The following OTUD7A variants were observed in gnomAD, a reference collection of about 807,000 sequenced individuals.
The protein encoded by OTUD7A is OTU deubiquitinase 7A, also known as OTU domain-containing protein 7A.
OTUD7A carries 12 observed loss-of-function variants against 65.7 expected under a neutral mutation model. That is an observed-to-expected ratio of 0.18 (90% confidence interval 0.12 to 0.30). OTUD7A has a LOEUF of 0.30. Ranked by LOEUF, OTUD7A falls within the 10% of genes least tolerant of loss-of-function variation. The probability of loss-of-function intolerance (pLI) is 1.00; values close to 1 mark genes in which losing one functional copy is unlikely to be tolerated. For missense variants in OTUD7A, 1,148 were observed against 1,304.8 expected (o/e 0.88, Z 1.85); for synonymous variants, 641 against 586.3 (o/e 1.09, Z -1.35).
intron 4 of OTUD7A, among the ~76,000 whole-genome samples, chr15:31,561,756 A>G (rs1888696575): frequency 6.6e-6 from 1 of 151,196 alleles, no homozygotes; most frequent in African/African-American, 2.5e-5. Context: ...GAATGCACAC[A>G]TATCATCTCT....
intron 3 of OTUD7A, among the ~76,000 whole-genome samples, chr15:31,575,536 A>G (rs1050100206): frequency 5.3e-5 from 8 of 152,232 alleles, no homozygotes; most frequent in Non-Finnish European, 7.3e-5. Flanking sequence ...CCTAGAGGTC[A>G]TAACAACACA....
rs1042534695 is a variant in OTUD7A at position 31,620,387 on chromosome 15, T to C, written c.151+34709A>G. Among the ~76,000 whole-genome samples, 30 of 152,130 alleles carry C rather than the reference T, an allele frequency of 2.0e-4. 1 individual carries two copies. Among genetic ancestry groups the C allele is most frequent in the African/African-American group, 6.0e-4 (25 of 41,412 alleles). On this transcript the variant is annotated intron_variant, in intron 3 of 12. Transcript: ENST00000307050. ...CTCTGGTAGAATTCGGCTGTGAATCTGTCTGGTCCTGGACTTTTTTTGGTT... is the reference window on the plus strand; with the variant it reads ...CTCTGGTAGAATTCGGCTGTGAATCCGTCTGGTCCTGGACTTTTTTTGGTT...
At position 31,492,849 on chromosome 15, in the gene OTUD7A, G is replaced by A. The variant is rs181011547; in HGVS notation, c.1172-5283C>T. 2.8e-3 allele frequency among the ~76,000 whole-genome samples: 431 copies of A among 152,216 alleles called. 4 individuals are homozygous for A. The highest frequency in any genetic ancestry group is 9.9e-3 in the African/African-American group (410 of 41,548). Reference sequence around the variant, plus strand: ...ACTATTAAATGAAAATGGTCAAAACGTATCTTTTAAAAGATAAAATTGTCA... The same window carrying A: ...ACTATTAAATGAAAATGGTCAAAACATATCTTTTAAAAGATAAAATTGTCA... On this transcript the variant is annotated intron_variant, in intron 10 of 12. Transcript: ENST00000307050.
In OTUD7A at chr15:31,626,334, G is replaced by C. The variant is rs567273641; in HGVS notation, c.151+28762C>G. ...TGATGGATTCATGGAAGAATGGGTAGATGGATAGGTACATATATGTGACAA... is the reference window on the plus strand; with the variant it reads ...TGATGGATTCATGGAAGAATGGGTACATGGATAGGTACATATATGTGACAA... On this transcript the variant is annotated intron_variant, in intron 3 of 12. Coordinates refer to ENST00000307050, the MANE Select transcript of OTUD7A (RefSeq NM_001382637.1). Among the ~76,000 whole-genome samples the C allele has an allele frequency of 1.3e-4, 20 of 152,304 alleles. No individual in the cohort carries two copies. In the South Asian group the frequency reaches 3.9e-3, roughly 30 times the overall value.
chr15:31,814,484 C>CT (rs1896499649), intron 1 of OTUD7A, among the ~76,000 whole-genome samples: 1 of 152,044 alleles, frequency 6.6e-6, no homozygotes, highest in Admixed American at 6.5e-5. Flanking sequence ...AAACAAGAGC[C>CT]TTAACATTTA....
rs150844322 is a variant in OTUD7A, at chr15:31,533,295, G to C, written c.551-2487C>G. 3.3e-3 allele frequency among the ~76,000 whole-genome samples: 486 copies of C among 148,240 alleles called. 3 individuals are homozygous for C. The highest frequency in any genetic ancestry group is 0.012 in the African/African-American group (466 of 39,790). On this transcript the variant is annotated intron_variant, in intron 5 of 12. Transcript: ENST00000307050. Reference sequence around the variant, plus strand: ...TCTGTCACCCAGGCTGGAGTGCAGTGGTGCAATTTCAGCTCACTGCAACCT... The same window carrying C: ...TCTGTCACCCAGGCTGGAGTGCAGTCGTGCAATTTCAGCTCACTGCAACCT...
At chr15:31,497,053 C>A (rs916221267) in intron 10 of OTUD7A, among the ~76,000 whole-genome samples, 3 of 152,130 alleles carry the variant, frequency 2.0e-5, no homozygotes, top group Admixed American at 2.0e-4. Context: ...AGCATCTCCC[C>A]CTCCATCTGT....
At position 31,510,906 on chromosome 15, in the gene OTUD7A, ATATGTATAT is replaced by A. The variant is rs1566892221; in HGVS notation, c.894-7097_894-7089del. Among the ~76,000 whole-genome samples the A allele has an allele frequency of 5.1e-3, 102 of 20,100 alleles. 15 individuals are homozygous for A. Among genetic ancestry groups the A allele is most frequent in the Non-Finnish European group, 7.4e-3 (88 of 11,840 alleles). 13.2% of individuals were successfully genotyped at this position (20,100 alleles called of 152,430 possible). ...ATATATGTATATCTATATGTAACATATATGTATATCTATATGTAACATATATGTATATCT... is the reference window on the plus strand; with the variant it reads ...ATATATGTATATCTATATGTAACATACTATATGTAACATATATGTATATCT... On this transcript the variant is annotated intron_variant, in intron 8 of 12. Coordinates refer to ENST00000307050, the MANE Select transcript of OTUD7A (RefSeq NM_001382637.1).
intron 5 of OTUD7A, among the ~76,000 whole-genome samples, chr15:31,535,382 G>A (rs541436957): frequency 6.6e-6 from 1 of 152,218 alleles, no homozygotes; most frequent in East Asian, 1.9e-4. Context: ...TAAGTTTCCT[G>A]AAGCCTCCCC....
intron 3 of OTUD7A, among the ~76,000 whole-genome samples, chr15:31,633,896 G>A (rs1667297023): frequency 6.6e-6 from 1 of 152,146 alleles, no homozygotes; most frequent in African/African-American, 2.4e-5. Context: ...CTTCTCTCCG[G>A]ACCTGCGAGG....
chr15:31,793,416 TCTCC>T (rs1895870655), intron 1 of OTUD7A, among the ~76,000 whole-genome samples: 1 of 152,166 alleles, frequency 6.6e-6, no homozygotes, highest in Non-Finnish European at 1.5e-5. Context: ...CCCAACCTGG[TCTCC>T]CTGTGTCCTC....
intron 1 of OTUD7A, among the ~76,000 whole-genome samples, chr15:31,703,405 T>C (rs1354279341): frequency 1.3e-5 from 2 of 151,662 alleles, no homozygotes; most frequent in African/African-American, 2.4e-5. Context: ...CATTAGAAAA[T>C]TGGCAAAAAA....
rs190110526 is a variant in OTUD7A, at chr15:31,776,142, G to A, written c.-100+94365C>T. On this transcript the variant is annotated intron_variant, in intron 1 of 12. Coordinates refer to ENST00000307050, the MANE Select transcript of OTUD7A (RefSeq NM_001382637.1). The stretch of plus-strand genomic sequence containing the variant: ...GAGGTGCATTCTGGGCCTATGCTTC[G>A]GGCTGCCCCTGACAGCTGCCCCAGG... 5.2e-3 allele frequency among the ~76,000 whole-genome samples: 792 copies of A among 152,278 alleles called. 6 individuals are homozygous for A. Among genetic ancestry groups the A allele is most frequent in the Middle Eastern group, 0.01 (3 of 294 alleles).
intron 3 of OTUD7A, among the ~76,000 whole-genome samples, chr15:31,577,042 C>T (rs1434615153): frequency 6.6e-6 from 1 of 152,126 alleles, no homozygotes; most frequent in African/African-American, 2.4e-5. Flanking sequence ...TACCAAATTC[C>T]AACCTGACTC....
chr15:31,484,869 T>C lies in OTUD7A; in HGVS notation c.1372-145A>G. On this transcript the variant is annotated intron_variant, in intron 12 of 12. Coordinates refer to ENST00000307050, the MANE Select transcript of OTUD7A (RefSeq NM_001382637.1). The surrounding 1 kb of genome is among the most constrained non-coding windows in gnomAD (Gnocchi z 4.5). ...CAGTCCCCACTGTCGCTCTGGTGAC[T>C]GTGACATCCGGATGGGCGGTGCTGA... 1 of 1,407,110 alleles carries C rather than the reference T, an allele frequency of 7.1e-7. No homozygotes were observed. Among genetic ancestry groups the C allele is most frequent in the Non-Finnish European group, 9.4e-7 (1 of 1,067,108 alleles). The allele number at this position is 1,407,110 out of a possible 1,614,324, so 87.2% of individuals were successfully genotyped here.
At chr15:31,488,918 T>C (rs1037603882) in intron 10 of OTUD7A, among the ~76,000 whole-genome samples, 6 of 152,180 alleles carry the variant, frequency 3.9e-5, no homozygotes, top group Non-Finnish European at 7.3e-5. Flanking sequence ...TGGCTTGGGA[T>C]TGGAAAGTGC....
intron 3 of OTUD7A, among the ~76,000 whole-genome samples, chr15:31,612,730 T>C (rs1016523617): frequency 2.6e-5 from 4 of 152,174 alleles, no homozygotes; most frequent in Admixed American, 1.3e-4. Context: ...AAAAGCAATC[T>C]ACAAATTCAA....
At chr15:31,504,570 C>T (rs1420129997) in intron 8 of OTUD7A, among the ~76,000 whole-genome samples, 3 of 152,246 alleles carry the variant, frequency 2.0e-5, no homozygotes, top group African/African-American at 7.2e-5. Context: ...GAGCTCACAG[C>T]GTTATGGAGC....
rs773708675 is a variant in OTUD7A, at chr15:31,487,602, C to T, written c.1172-36G>A. 37 of 1,566,030 alleles carry T rather than the reference C, an allele frequency of 2.4e-5. No homozygotes were observed. Among genetic ancestry groups the T allele is most frequent in the South Asian group, 6.9e-5 (6 of 87,454 alleles). ...AGAGACAGAGCCGTGCTTGGAGCCC[C>T]GGCAGTCCCCAGGCAGGATGGCAAG... On this transcript the variant is annotated intron_variant, in intron 10 of 12. Transcript: ENST00000307050. This position sits in a 1 kb window ranked among gnomAD's most constrained non-coding sequence, Gnocchi z 6.0.
Sources: gnomAD v4.1 joint callset for allele counts (sites outside exome capture counted in the v4.1 genomes callset) on GRCh38, gnomAD v4.1.1 for gene constraint, Gnocchi (gnomAD v3.1) non-coding constraint, MANE v1.5 for transcripts, NCBI Gene and HGNC (gene_info 2026-07-23, HGNC 2026-07-21) for gene names.